ITIH6: variants seen among roughly 807,000 people sequenced by gnomAD.
ITIH6 encodes inter-alpha-trypsin inhibitor heavy chain family member 6, also known as inter-alpha-trypsin inhibitor heavy chain H6.
A neutral mutation model predicts 58.2 loss-of-function variants in ITIH6; 60 were observed. The ratio of observed to expected loss-of-function variants is 1.03; its 90% CI spans 0.84 to 1.28. ITIH6 has a LOEUF of 1.28. Ranked by LOEUF, ITIH6 falls within the 50% of genes most tolerant of loss-of-function variation. ITIH6 has a pLI of 0.00. For missense variants in ITIH6, 1,290 were observed against 1,021.1 expected (o/e 1.26, Z -3.59); for synonymous variants, 493 against 417.4 (o/e 1.18, Z -2.21).
intron 6 of ITIH6, among the ~76,000 whole-genome samples, chrX:54,763,425 A>T (rs1423748809): frequency 2.7e-5 from 3 of 112,015 alleles, no homozygotes; most frequent in Admixed American, 9.5e-5. Context: ...AGACTGTAGA[A>T]GTGTGCTGTT....
rs778425632 is a variant in ITIH6 at position 54,759,777 on chromosome X, G to A, written c.1054C>T (p.His352Tyr). ...QNVHSAKDYL[H>Y]CMEADGWTDV... ...TTACAGCCATCGGCTTCCATGCAATGCAGGTAGTCCTTGGCACTGTGGACA... is the reference window on the plus strand; with the variant it reads ...TTACAGCCATCGGCTTCCATGCAATACAGGTAGTCCTTGGCACTGTGGACA... The change falls in exon 7 of 13, where the codon CAT becomes TAT. Residue 352 changes from histidine to tyrosine, a missense_variant. Transcript: ENST00000218436. 11 of 1,208,012 alleles carry A rather than the reference G, an allele frequency of 9.1e-6. No individual in the cohort carries two copies. Among genetic ancestry groups the A allele is most frequent in the Admixed American group, 8.8e-5 (4 of 45,564 alleles).
In ITIH6 at chrX:54,757,940, C is replaced by G; in HGVS notation, c.2134G>C (p.Asp712His). The change falls in exon 8 of 13, where the codon GAT becomes CAT. Residue 712 changes from aspartate (D) to histidine (H), a missense_variant. Coordinates refer to ENST00000218436, the MANE Select transcript of ITIH6 (RefSeq NM_198510.3). ...YPKAKIPAQQ[D>H]SGTLAQPTLR... ...GTTGGCTGGGCCAAGGTGCCAGAAT[C>G]CTGTTGTGCTGGAATTTTGGCCTTT... The G allele has an allele frequency of 8.3e-7, 1 of 1,211,585 alleles. No individual in the cohort carries two copies. Among genetic ancestry groups the G allele is most frequent in the South Asian group, 1.8e-5 (1 of 56,961 alleles).
chrX:54,767,565 C>T lies in ITIH6; in HGVS notation c.903+6516G>A, dbSNP rs1355719063. ...TTCCCTCTACACACTGCTTTGAATG[C>T]GTCCCAGAGATTCTGGTATGTTGTG... On this transcript the variant is annotated intron_variant, in intron 6 of 12. Coordinates refer to ENST00000218436, the MANE Select transcript of ITIH6 (RefSeq NM_198510.3). Among the ~76,000 whole-genome samples, 25 of 98,279 alleles carry T rather than the reference C, an allele frequency of 2.5e-4. No homozygotes were observed. The East Asian group carries it at 3.4e-3, about 13-fold the overall frequency. The allele number at this position is 98,279 out of a possible 115,157, so 85.3% of individuals were successfully genotyped here.
At chrX:54,791,301 G>T (rs916050774) in intron 3 of ITIH6, among the ~76,000 whole-genome samples, 2 of 108,387 alleles carry the variant, frequency 1.8e-5, no homozygotes, top group Non-Finnish European at 3.8e-5. Flanking sequence ...TAAATATTCT[G>T]CTTGAGAAAT....
intron 6 of ITIH6, among the ~76,000 whole-genome samples, chrX:54,761,097 CTGT>C (rs969596162): frequency 1.4e-4 from 16 of 111,825 alleles, no homozygotes; most frequent in Non-Finnish European, 2.4e-4. Flanking sequence ...TCTCCAGCAC[CTGT>C]TGTTTCCTGA....
In ITIH6 at chrX:54,750,048, T is replaced by C; in HGVS notation, c.3789A>G (p.Arg1263=). The C allele has an allele frequency of 8.3e-7, 1 of 1,211,053 alleles. No individual in the cohort carries two copies. The highest frequency in any genetic ancestry group is 1.1e-6 in the Non-Finnish European group (1 of 895,162). Residue 1263 remains arginine (R), a synonymous_variant, in exon 13 of 13, where the codon CGA becomes CGG. Transcript: ENST00000218436. ...LVTGPMGPCL[R]RHHGPDVPVI... ...CAGGCACATCTGGGCCATGGTGCCT[T>C]CGTAAGCATGGCCCCATAGGTCCTG...
Position 54,791,064 on chromosome X carries a change from A to G in ITIH6, c.389T>C (p.Phe130Ser). ...TGCTGCCAGGCTGGTGGAGATGCGGAACTTCTCTGATTCCCGGTCCCTGGG... is the reference window on the plus strand; with the variant it reads ...TGCTGCCAGGCTGGTGGAGATGCGGGACTTCTCTGATTCCCGGTCCCTGGG... ...VGIRDRESEK[F>S]RISTSLAAGT... The change falls in exon 4 of 13, where the codon TTC becomes TCC. Residue 130 changes from phenylalanine (F) to serine (S), a missense_variant. Phe to Ser is a radical substitution (Grantham distance 155). Coordinates refer to ENST00000218436, the MANE Select transcript of ITIH6 (RefSeq NM_198510.3). 8.3e-7 allele frequency: 1 copy of G among 1,211,123 alleles called. No individual in the cohort carries two copies. Among genetic ancestry groups the G allele is most frequent in the Non-Finnish European group, 1.1e-6 (1 of 895,123 alleles).
At chrX:54,791,499 C>A (rs1929347985) in intron 3 of ITIH6, among the ~76,000 whole-genome samples, 1 of 110,814 alleles carries the variant, frequency 9.0e-6, no homozygotes, top group Non-Finnish European at 1.9e-5. Context: ...GTTTATATGG[C>A]AGTAACTCAG....
rs1168827410 is a variant in ITIH6, at chrX:54,758,528, G to T, written c.1546C>A (p.Leu516Met). 1 of 1,209,383 alleles carries T rather than the reference G, an allele frequency of 8.3e-7. No homozygotes were observed. Among genetic ancestry groups the T allele is most frequent in the African/African-American group, 1.8e-5 (1 of 57,124 alleles). ...CCACGGGCTGCCAGGTGGATGCCCA[G>T]TTCCTGTTTGCCTGGCTGCACCTGT... The part of the protein sequence containing the change: ...AGQVQPGKQE[L>M]GIHLAARGPK... The change falls in exon 8 of 13, where the codon CTG becomes ATG. Residue 516 changes from leucine to methionine, a missense_variant. Physicochemically the swap from Leu to Met is conservative, Grantham distance 15. Coordinates refer to ENST00000218436, the MANE Select transcript of ITIH6 (RefSeq NM_198510.3).
chrX:54,791,148 A>T, intron 3 of ITIH6, 64 bp from the exon 4 acceptor site: 1 of 1,130,879 alleles, frequency 8.8e-7, no homozygotes, highest in Non-Finnish European at 1.2e-6. Flanking sequence ...AGGGGCTGTT[A>T]GATGACCTAG....
intron 6 of ITIH6, among the ~76,000 whole-genome samples, chrX:54,761,069 T>C (rs1928631911): frequency 1.8e-5 from 2 of 111,935 alleles, no homozygotes; most frequent in African/African-American, 6.5e-5. Context: ...GTAAAAGTGT[T>C]CCTATTTCTC....
intron 2 of ITIH6, among the ~76,000 whole-genome samples, chrX:54,793,396 G>A (rs146687909): frequency 0.063 from 7,016 of 110,688 alleles, 575 homozygotes; most frequent in African/African-American, 0.22. Flanking sequence ...ATCCAAAACT[G>A]AGCTCCTGAC....
At position 54,751,275 on chromosome X, in the gene ITIH6, C is replaced by T. The variant is rs764934728; in HGVS notation, c.3458G>A (p.Arg1153Gln). The change falls in exon 12 of 13, where the codon CGG (arginine) becomes CAG (glutamine). Residue 1153 changes from arginine to glutamine, a missense_variant. Coordinates refer to ENST00000218436, the MANE Select transcript of ITIH6 (RefSeq NM_198510.3). The part of the protein sequence containing the change: ...QIITVTTDKP[R>Q]AYTITISRSS... ...GCGGCTGATGGTGATAGTATAGGCC[C>T]GGGGTTTGTCTGTAGTGACTGTGAT... 2.5e-6 allele frequency: 3 copies of T among 1,211,650 alleles called. No individual in the cohort carries two copies. The highest frequency in any genetic ancestry group is 1.7e-5 in the African/African-American group (1 of 57,742).
At chrX:54,763,212 G>A (rs975317035) in intron 6 of ITIH6, among the ~76,000 whole-genome samples, 6 of 111,981 alleles carry the variant, frequency 5.4e-5, no homozygotes, top group African/African-American at 1.9e-4. Context: ...TATCTTGAAT[G>A]CTTCTAAGTG....
Position 54,750,093 on chromosome X carries a change from G to A in ITIH6, c.3744C>T (p.His1248=), listed in dbSNP as rs140483013. The change falls in exon 13 of 13, where the codon CAC becomes CAT. Residue 1248 remains histidine (H), a synonymous_variant. Transcript: ENST00000218436. The part of the protein sequence containing the change: ...SARGLIGQFQ[H]ADIRLVTGPM... ...GTCCTGTCACCAGTCGGATGTCTGC[G>A]TGCTGGAACTGCCCTGAGGGAGAGA... The A allele has an allele frequency of 3.7e-4, 442 of 1,203,674 alleles. 1 individual carries two copies. Among genetic ancestry groups the A allele is most frequent in the Middle Eastern group, 7.6e-4 (3 of 3,970 alleles).
chrX:54,767,647 C>T (rs1348784593), intron 6 of ITIH6, among the ~76,000 whole-genome samples: 1 of 102,680 alleles, frequency 9.7e-6, no homozygotes, highest in African/African-American at 3.8e-5. Flanking sequence ...TTTCGTTATG[C>T]ACCCAGTAGT....
intron 6 of ITIH6, among the ~76,000 whole-genome samples, chrX:54,761,085 C>A (rs916808862): frequency 8.9e-6 from 1 of 111,932 alleles, no homozygotes; most frequent in African/African-American, 3.2e-5. Context: ...TTCTCCACAT[C>A]CTCTCCAGCA....
At chrX:54,761,932 G>A (rs1207797262) in intron 6 of ITIH6, among the ~76,000 whole-genome samples, 1 of 111,533 alleles carries the variant, frequency 9.0e-6, no homozygotes, top group African/African-American at 3.3e-5. Flanking sequence ...CTCTTTTTTG[G>A]TTCCATATGA....
At chrX:54,750,141 T>A (rs1455529665) in intron 12 of ITIH6, 35 bp from the exon 13 acceptor site, 2 of 1,078,024 alleles carry the variant, frequency 1.9e-6, no homozygotes, top group East Asian at 6.1e-5. Flanking sequence ...GTCAGGGAGG[T>A]GGCCTGAGTC....
Sources: gnomAD v4.1 joint callset for allele counts (sites outside exome capture counted in the v4.1 genomes callset) on GRCh38, gnomAD v4.1.1 for gene constraint, MANE v1.5 for transcripts, NCBI Gene and HGNC (gene_info 2026-07-23, HGNC 2026-07-21) for gene names.